The following SETD2 variants were observed in gnomAD, a reference collection of about 807,000 sequenced individuals.
The protein encoded by SETD2 is SET domain containing 2, histone lysine methyltransferase.
In SETD2, 31 loss-of-function variants were observed where a neutral mutation model predicts 242.1. That is an observed-to-expected ratio of 0.13 (90% CI 0.10 to 0.17). The LOEUF is 0.17. Ranked by LOEUF, SETD2 falls within the 10% of genes least tolerant of loss-of-function variation. The pLI is 1.00. For synonymous variants in SETD2, 1,006 were observed against 1,066.5 expected (o/e 0.94, Z 1.11); for missense variants, 2,481 against 3,046.3 (o/e 0.81, Z 4.37).
intron 5 of SETD2, among the ~76,000 whole-genome samples, chr3:47,111,347 C>A (rs2042644743): frequency 6.6e-6 from 1 of 151,892 alleles, no homozygotes; most frequent in South Asian, 2.1e-4. Context: ...TTCAAATAAA[C>A]AATTAAAAAC....
chr3:47,082,832 G>C (rs998995922), intron 12 of SETD2, among the ~76,000 whole-genome samples: 31 of 152,184 alleles, frequency 2.0e-4, no homozygotes, highest in Non-Finnish European at 7.3e-5. Context: ...AATGGAGTGA[G>C]CTTTGTCATC....
intron 7 of SETD2, 49 bp downstream of exon 7, chr3:47,103,297 A>G (rs1322302726): frequency 2.4e-6 from 3 of 1,258,734 alleles, no homozygotes; most frequent in Non-Finnish European, 3.5e-6. Flanking sequence ...AATGGTCAGA[A>G]CAGCAATCGT....
At chr3:47,018,258 C>A (rs920148570) in intron 19 of SETD2, among the ~76,000 whole-genome samples, 15 of 152,262 alleles carry the variant, frequency 9.9e-5, no homozygotes, top group African/African-American at 3.4e-4. Flanking sequence ...CAAAGGAAAA[C>A]CTAAGCAGAA....
intron 3 of SETD2, among the ~76,000 whole-genome samples, chr3:47,118,081 C>T (rs1040212916): frequency 3.9e-5 from 6 of 152,114 alleles, no homozygotes; most frequent in African/African-American, 1.4e-4. Flanking sequence ...TTATGAAGTG[C>T]CTCAAGAGTG....
intron 1 of SETD2, among the ~76,000 whole-genome samples, chr3:47,155,325 G>A (rs1469449241): frequency 1.3e-5 from 2 of 152,144 alleles, no homozygotes. Flanking sequence ...ATTTAGGAAA[G>A]AAAGATCATG....
At chr3:47,064,890 T>C (rs2040494417) in intron 13 of SETD2, among the ~76,000 whole-genome samples, 1 of 151,552 alleles carries the variant, frequency 6.6e-6, no homozygotes, top group African/African-American at 2.4e-5. Context: ...GTTCTACATG[T>C]GAAAGAGAGA....
chr3:47,053,825 T>C (rs1281684271), intron 15 of SETD2, among the ~76,000 whole-genome samples: 1 of 152,140 alleles, frequency 6.6e-6, no homozygotes, highest in African/African-American at 2.4e-5. Context: ...TTAATGTCAA[T>C]AATCTCCCCT....
At chr3:47,037,539 C>T in intron 18 of SETD2, 127 bp downstream of exon 18, 1 of 666,892 alleles carries the variant, frequency 1.5e-6, no homozygotes, top group Non-Finnish European at 2.7e-6. Context: ...TTCATCTCTA[C>T]ACCTTGATAC....
chr3:47,032,249 C>A (rs2038802190), intron 18 of SETD2, among the ~76,000 whole-genome samples: 1 of 151,852 alleles, frequency 6.6e-6, no homozygotes. Context: ...TGGTGGCTCA[C>A]ACCTATAATC....
intron 2 of SETD2, among the ~76,000 whole-genome samples, chr3:47,125,865 T>A (rs969368843): frequency 6.6e-6 from 1 of 152,246 alleles, no homozygotes; most frequent in Non-Finnish European, 1.5e-5. Context: ...ACTTCTCATA[T>A]GCAAAATTCT....
chr3:47,096,128 T>A (rs933954363), intron 9 of SETD2, among the ~76,000 whole-genome samples: 1 of 152,208 alleles, frequency 6.6e-6, no homozygotes, highest in Admixed American at 6.5e-5. Context: ...AAACATCTAT[T>A]GTTATGGCCA....
chr3:47,056,073 AAAAAG>A (rs1300338111), intron 15 of SETD2, among the ~76,000 whole-genome samples: 118 of 125,740 alleles, frequency 9.4e-4, no homozygotes, highest in Admixed American at 1.7e-3. Flanking sequence ...AAAAAAAAAA[AAAAAG>A]AAAAGAAAAC....
At chr3:47,061,812 A>G (rs2040343119) in intron 14 of SETD2, among the ~76,000 whole-genome samples, 2 of 152,244 alleles carry the variant, frequency 1.3e-5, no homozygotes, top group South Asian at 4.1e-4. Flanking sequence ...CACAAAACTC[A>G]TAAGAAAACA....
At chr3:47,049,304 A>AATATATATATATATATAT (rs55952850) in intron 15 of SETD2, among the ~76,000 whole-genome samples, 1 of 108,586 alleles carries the variant, frequency 9.2e-6, no homozygotes, top group Non-Finnish European at 1.8e-5. Flanking sequence ...AAGTTTTCTA[A>AATATATATATATATATAT]ATATATATAT....
At chr3:47,103,516 T>C (rs555607626) in intron 6 of SETD2, 93 bp from the exon 7 acceptor site, 16 of 941,512 alleles carry the variant, frequency 1.7e-5, no homozygotes, top group Non-Finnish European at 2.7e-5. Flanking sequence ...TATGCATCAA[T>C]TAAAAAAAAG....
At chr3:47,021,713 T>A (rs1338915259) in intron 18 of SETD2, among the ~76,000 whole-genome samples, 2 of 152,194 alleles carry the variant, frequency 1.3e-5, no homozygotes, top group Admixed American at 1.3e-4. Context: ...GCAAATGGCA[T>A]GGGAAATAAT....
At chr3:47,036,831 G>C (rs977667382) in intron 18 of SETD2, among the ~76,000 whole-genome samples, 16 of 150,706 alleles carry the variant, frequency 1.1e-4, no homozygotes, top group Non-Finnish European at 1.8e-4. Flanking sequence ...GAACCCAGGA[G>C]GCAGAGGTTA....
chr3:47,132,164 A>T (rs1268896770), intron 1 of SETD2, among the ~76,000 whole-genome samples: 1 of 141,028 alleles, frequency 7.1e-6, no homozygotes, highest in Non-Finnish European at 1.5e-5. Flanking sequence ...ACAGGATCTC[A>T]TTCTGTCTTC....
At chr3:47,093,422 T>G (rs2041883200) in intron 9 of SETD2, among the ~76,000 whole-genome samples, 1 of 151,960 alleles carries the variant, frequency 6.6e-6, no homozygotes, top group South Asian at 2.1e-4. Flanking sequence ...TAGCTGAGAT[T>G]ACAGGCACCC....
Sources: gnomAD v4.1 joint callset for allele counts (sites outside exome capture counted in the v4.1 genomes callset) on GRCh38, gnomAD v4.1.1 for gene constraint, MANE v1.5 for transcripts, NCBI Gene and HGNC (gene_info 2026-07-23, HGNC 2026-07-21) for gene names.